PRDX2: variants seen among roughly 807,000 people sequenced by gnomAD.
PRDX2 encodes peroxiredoxin 2.
PRDX2 carries 10 observed loss-of-function variants against 19.8 expected under a neutral mutation model. The ratio of observed to expected loss-of-function variants is 0.50; its 90% confidence interval spans 0.31 to 0.86. The LOEUF is 0.86. PRDX2 is among the 40% of genes least tolerant of loss of function. PRDX2 has a pLI of 0.04. For synonymous variants in PRDX2, 118 were observed against 108.2 expected, an observed-to-expected ratio of 1.09 and a Z score of -0.56; for missense variants, 226 against 260.1, an observed-to-expected ratio of 0.87 and a Z score of 0.90.
In PRDX2 at chr19:12,801,198, C is replaced by A. The variant is rs755563506; in HGVS notation, c.64G>T (p.Asp22Tyr). Residue 22 changes from aspartate to tyrosine, a missense_variant, in exon 2 of 6, where the codon GAT becomes TAT. Asp to Tyr is a radical substitution (Grantham distance 160). Coordinates refer to ENST00000301522, the MANE Select transcript of PRDX2 (RefSeq NM_005809.6). ...AGCTTCACCTCTTTGAAGGCGCCAT[C>A]AACCACCGCTGTGGCCTTGAAGTCA... ...APDFKATAVV[D>Y]GAFKEVKLSD... 20 of 1,613,980 alleles carry A rather than the reference C, an allele frequency of 1.2e-5. No individual in the cohort carries two copies. The highest frequency in any genetic ancestry group is 1.7e-5 in the Non-Finnish European group (20 of 1,180,044).
rs772076253 is a variant in PRDX2, at chr19:12,799,189, G to A, written c.511+670C>T. ...GCTGGGATTACAGGCGTGAGCCACC[G>A]CGCTCGGCCTGTTTGTTTGTTTTTT... On this transcript the variant is annotated intron_variant, in intron 5 of 5. Transcript: ENST00000301522. 3.4e-4 allele frequency among the ~76,000 whole-genome samples: 51 copies of A among 151,684 alleles called. No individual in the cohort carries two copies. In the East Asian group the frequency reaches 4.9e-3, roughly 14 times the overall value.
intron 5 of PRDX2, among the ~76,000 whole-genome samples, chr19:12,798,570 C>T (rs530006977): frequency 4.0e-5 from 6 of 151,244 alleles, no homozygotes; most frequent in East Asian, 3.9e-4. Flanking sequence ...AAGCTTGTCT[C>T]GAACTCCCGA....
At chr19:12,800,845 A>G (rs761905421) in intron 3 of PRDX2, 71 bp downstream of exon 3, 1 of 1,556,346 alleles carries the variant, frequency 6.4e-7, no homozygotes, top group Non-Finnish European at 8.7e-7. Context: ...AGCAATGGCC[A>G]CGAAGCCACA....
At chr19:12,801,106 T>C (rs1191623587) in intron 2 of PRDX2, 37 bp from the exon 3 acceptor site, 2 of 1,613,054 alleles carry the variant, frequency 1.2e-6, no homozygotes, top group South Asian at 1.1e-5. Flanking sequence ...AGGGCCCAGC[T>C]TCTCTCATGC....
At chr19:12,798,779 T>C (rs1968838486) in intron 5 of PRDX2, among the ~76,000 whole-genome samples, 1 of 150,274 alleles carries the variant, frequency 6.7e-6, no homozygotes, top group Non-Finnish European at 1.5e-5. Flanking sequence ...TGCCTCACTC[T>C]CCAGAGTAGG....
At chr19:12,799,836 G>A in intron 5 of PRDX2, 23 bp downstream of exon 5, 2 of 1,610,682 alleles carry the variant, frequency 1.2e-6, no homozygotes, top group Non-Finnish European at 1.7e-6. Flanking sequence ...ATGTACCCAT[G>A]TGTCATGTGT....
intron 5 of PRDX2, among the ~76,000 whole-genome samples, chr19:12,797,656 C>CTTTTTTTTTTT (rs1555733212): frequency 8.0e-5 from 9 of 113,058 alleles, no homozygotes; most frequent in South Asian, 2.7e-4. Context: ...TTCTTTCTTT[C>CTTTTTTTTTTT]TTTTTTTTTT....
Position 12,801,244 on chromosome 19 carries a change from C to T in PRDX2, c.18G>A (p.Ala6=), listed in dbSNP as rs1449115091. 6.2e-7 allele frequency: 1 copy of T among 1,613,298 alleles called. No individual in the cohort carries two copies. Among genetic ancestry groups the T allele is most frequent in the Admixed American group, 1.7e-5 (1 of 59,906 alleles). The change falls in exon 2 of 6, where the codon GCG becomes GCA. Residue 6 remains alanine (A), a synonymous_variant. Transcript: ENST00000301522. MASGN[A]RIGKPAPDFK... ...AGTCAGGGGCTGGCTTTCCGATGCG[C>T]GCGTTACCGGAGGCCATGACTGAAA...
At chr19:12,798,221 A>T (rs1968828676) in intron 5 of PRDX2, among the ~76,000 whole-genome samples, 2 of 150,840 alleles carry the variant, frequency 1.3e-5, no homozygotes. Flanking sequence ...ATTTTTTTGT[A>T]TTTTTAGTAG....
At chr19:12,801,406 C>G (rs1374801150) in intron 1 of PRDX2, 136 bp from the exon 2 acceptor site, 9 of 968,426 alleles carry the variant, frequency 9.3e-6, no homozygotes, top group Admixed American at 6.8e-5. Context: ...CCCGGGTACC[C>G]GGTCTACGAG....
At chr19:12,798,545 T>C (rs1262830222) in intron 5 of PRDX2, among the ~76,000 whole-genome samples, 1 of 151,718 alleles carries the variant, frequency 6.6e-6, no homozygotes, top group East Asian at 1.9e-4. Flanking sequence ...GAGACTGGGT[T>C]TCTCCATGTC....
chr19:12,798,553 G>A (rs1342547671), intron 5 of PRDX2, among the ~76,000 whole-genome samples: 1 of 151,078 alleles, frequency 6.6e-6, no homozygotes, highest in East Asian at 1.9e-4. Flanking sequence ...GTTTCTCCAT[G>A]TCGGTCAAGC....
At position 12,798,692 on chromosome 19, in the gene PRDX2, T is replaced by TA. The variant is rs563105953; in HGVS notation, c.511+1166dup. On this transcript the variant is annotated intron_variant, in intron 5 of 5. Transcript: ENST00000301522. Reference sequence around the variant, plus strand: ...TTTTTTTAACCAATACCCCATCTCTTAAAAAAAAAAAAAAAGAGATGGGGT... The same window carrying TA: ...TTTTTTTAACCAATACCCCATCTCTTAAAAAAAAAAAAAAAAGAGATGGGGT... 4.2e-3 allele frequency among the ~76,000 whole-genome samples: 527 copies of TA among 124,898 alleles called. 3 individuals are homozygous for TA. The highest frequency in any genetic ancestry group is 5.7e-3 in the Non-Finnish European group (338 of 59,334). 81.9% of individuals were successfully genotyped at this position (124,898 alleles called of 152,430 possible).
At chr19:12,799,813 G>C in intron 5 of PRDX2, 46 bp downstream of exon 5, 1 of 1,594,648 alleles carries the variant, frequency 6.3e-7, no homozygotes, top group Non-Finnish European at 8.6e-7. Context: ...CATGAGTGAC[G>C]GAGGCGCTCA....
intron 1 of PRDX2, among the ~76,000 whole-genome samples, 188 bp from the exon 2 acceptor site, chr19:12,801,458 G>A (rs1325566468): frequency 1.3e-5 from 2 of 152,240 alleles, no homozygotes; most frequent in Non-Finnish European, 1.5e-5. Flanking sequence ...ACCAGAGCAC[G>A]AGTGACCCAG....
At chr19:12,800,125 C>T (rs1968862221) in intron 4 of PRDX2, 52 bp downstream of exon 4, 4 of 1,604,626 alleles carry the variant, frequency 2.5e-6, no homozygotes, top group African/African-American at 2.7e-5. Flanking sequence ...CCCAGCATCA[C>T]AGGAATGGGG....
chr19:12,800,331 A>G (rs367846144), intron 3 of PRDX2, 32 bp from the exon 4 acceptor site: 1 of 1,600,474 alleles, frequency 6.2e-7, no homozygotes, highest in Non-Finnish European at 8.5e-7. Context: ...TTGGGGCCTC[A>G]GGATGCCTGG....
At chr19:12,797,656 CTTTTT>C (rs1555733212) in intron 5 of PRDX2, among the ~76,000 whole-genome samples, 2 of 113,060 alleles carry the variant, frequency 1.8e-5, no homozygotes, top group Admixed American at 9.5e-5. Flanking sequence ...TTCTTTCTTT[CTTTTT>C]TTTTTTTTTT....
chr19:12,800,705 G>C, intron 3 of PRDX2: 1 of 1,472,566 alleles, frequency 6.8e-7, no homozygotes, highest in Non-Finnish European at 9.0e-7. Flanking sequence ...AGTTGCATCT[G>C]AGTTGCATCT....
Sources: allele counts gnomAD v4.1 joint callset (sites outside exome capture counted in the v4.1 genomes callset), GRCh38; gene constraint gnomAD v4.1.1; transcripts MANE v1.5; gene names NCBI Gene and HGNC (gene_info 2026-07-23, HGNC 2026-07-21).